The following RASA1 variants were observed in gnomAD, a reference collection of about 807,000 sequenced individuals.
The protein encoded by RASA1 is RAS p21 protein activator 1.
RASA1 carries 25 observed loss-of-function variants against 132.2 expected under a neutral mutation model. The observed-to-expected ratio is 0.19, with a 90% CI of 0.14 to 0.26. The LOEUF is 0.26. Ranked by LOEUF, RASA1 falls within the 10% of genes least tolerant of loss-of-function variation. The probability of loss-of-function intolerance (pLI) is 1.00; values close to 1 mark genes in which losing one functional copy is unlikely to be tolerated. For synonymous variants in RASA1, 477 were observed against 449.9 expected (o/e 1.06, Z -0.76); for missense variants, 964 against 1,299.2 (o/e 0.74, Z 3.97).
chr5:87,278,631 G>T (rs1043210997), intron 1 of RASA1, among the ~76,000 whole-genome samples: 8 of 152,216 alleles, frequency 5.3e-5, no homozygotes, highest in Middle Eastern at 3.4e-3. Flanking sequence ...CATAACTATA[G>T]TGCAGTATCA....
chr5:87,332,066 T>C (rs1757648141), intron 2 of RASA1, among the ~76,000 whole-genome samples: 1 of 152,154 alleles, frequency 6.6e-6, no homozygotes, highest in Non-Finnish European at 1.5e-5. Context: ...CCTTGGTTTT[T>C]AGATTTTAAA....
At chr5:87,311,731 A>G (rs1183073593) in intron 1 of RASA1, among the ~76,000 whole-genome samples, 1 of 152,178 alleles carries the variant, frequency 6.6e-6, no homozygotes, top group Non-Finnish European at 1.5e-5. Flanking sequence ...ATGAAGGTCT[A>G]AAGTGCCCAC....
chr5:87,365,817 G>GT (rs1412138629), intron 11 of RASA1, among the ~76,000 whole-genome samples: 1 of 151,998 alleles, frequency 6.6e-6, no homozygotes, highest in East Asian at 1.9e-4. Flanking sequence ...TGCTAGTTAA[G>GT]TTTATGACTG....
At chr5:87,353,683 C>CT (rs11395697) in intron 9 of RASA1, among the ~76,000 whole-genome samples, 1,830 of 152,188 alleles carry the variant, frequency 0.012, 30 homozygotes, top group African/African-American at 0.041. Context: ...TCTGTATACT[C>CT]TGAGTGAAAA....
intron 9 of RASA1, among the ~76,000 whole-genome samples, chr5:87,360,274 G>A (rs766728886): frequency 1.4e-4 from 22 of 151,982 alleles, no homozygotes; most frequent in Non-Finnish European, 2.8e-4. Flanking sequence ...TTACAGGCAC[G>A]CGCCACCACG....
chr5:87,319,728 C>G (rs1292926701), intron 1 of RASA1, among the ~76,000 whole-genome samples: 6 of 152,200 alleles, frequency 3.9e-5, no homozygotes, highest in Non-Finnish European at 7.3e-5. Context: ...CTCTGACATG[C>G]CCTGGGAGAC....
intron 4 of RASA1, among the ~76,000 whole-genome samples, chr5:87,336,306 A>G (rs1757967392): frequency 6.6e-6 from 1 of 152,162 alleles, no homozygotes; most frequent in African/African-American, 2.4e-5. Flanking sequence ...GTAGATATCC[A>G]TATAAATAAA....
intron 9 of RASA1, among the ~76,000 whole-genome samples, chr5:87,354,353 G>T (rs1759496938): frequency 6.6e-6 from 1 of 152,092 alleles, no homozygotes; most frequent in Non-Finnish European, 1.5e-5. Flanking sequence ...TTGTGTCTTA[G>T]TGTCACATTT....
At chr5:87,310,271 A>G (rs1755814080) in intron 1 of RASA1, among the ~76,000 whole-genome samples, 2 of 152,188 alleles carry the variant, frequency 1.3e-5, no homozygotes, top group Admixed American at 6.5e-5. Context: ...AAAGAATTCC[A>G]TAGATGTGTG....
At chr5:87,384,002 T>G (rs899177405) in intron 21 of RASA1, among the ~76,000 whole-genome samples, 11 of 152,090 alleles carry the variant, frequency 7.2e-5, no homozygotes, top group African/African-American at 2.7e-4. Context: ...TGAGATGGCA[T>G]GATTACACAC....
At chr5:87,335,576 C>G (rs956041875) in intron 4 of RASA1, among the ~76,000 whole-genome samples, 2 of 151,714 alleles carry the variant, frequency 1.3e-5, no homozygotes, top group African/African-American at 4.8e-5. Context: ...TGGGCGTCTG[C>G]CACCACACCT....
intron 1 of RASA1, among the ~76,000 whole-genome samples, chr5:87,272,119 G>C (rs1242410412): frequency 6.6e-6 from 1 of 151,114 alleles, no homozygotes; most frequent in Non-Finnish European, 1.5e-5. Context: ...TTGCACTCTA[G>C]CCTGGGCAGC....
chr5:87,316,530 A>G (rs906925112), intron 1 of RASA1, among the ~76,000 whole-genome samples: 1 of 152,154 alleles, frequency 6.6e-6, no homozygotes, highest in Non-Finnish European at 1.5e-5. Context: ...ATTTTATTTC[A>G]TGTGTCAGGA....
intron 9 of RASA1, among the ~76,000 whole-genome samples, chr5:87,360,803 A>G (rs976428391): frequency 6.6e-6 from 1 of 152,190 alleles, no homozygotes; most frequent in Non-Finnish European, 1.5e-5. Context: ...TGCCATCATG[A>G]TAAGAGTCTA....
At chr5:87,315,672 T>C (rs984465468) in intron 1 of RASA1, among the ~76,000 whole-genome samples, 1 of 152,216 alleles carries the variant, frequency 6.6e-6, no homozygotes, top group African/African-American at 2.4e-5. Context: ...ATGTTTAATA[T>C]GGGAGAGGGT....
rs1034998096 is a variant in RASA1 at position 87,391,617 on chromosome 5, T to C, written c.*734T>C. The C allele has an allele frequency of 4.3e-5, 10 of 230,792 alleles. No homozygotes were observed. The highest frequency in any genetic ancestry group is 7.6e-5 in the Non-Finnish European group (9 of 118,790). The allele number at this position is 230,792 out of a possible 1,614,324, so 14.3% of individuals were successfully genotyped here. A position where few individuals can be genotyped will look rare whatever the true frequency, so the allele number is the denominator to read the frequency against. On this transcript the variant is annotated 3_prime_UTR_variant, in exon 25 of 25. Transcript: ENST00000274376. ...GTAAATAGTTTGAATTCAGTAAATA[T>C]TATTGGTTGTTGTATTGATCAATGC...
At chr5:87,355,284 CTT>C (rs1759567212) in intron 9 of RASA1, among the ~76,000 whole-genome samples, 1 of 152,140 alleles carries the variant, frequency 6.6e-6, no homozygotes, top group South Asian at 2.1e-4. Context: ...CTGACTGACT[CTT>C]TTCAGGGGCT....
intron 1 of RASA1, among the ~76,000 whole-genome samples, chr5:87,272,997 A>G (rs1273423481): frequency 1.3e-5 from 2 of 152,186 alleles, no homozygotes; most frequent in African/African-American, 4.8e-5. Flanking sequence ...TATGGATAGC[A>G]TGGTATTAAG....
chr5:87,269,307 T>C, intron 1 of RASA1: 22 of 1,535,940 alleles, frequency 1.4e-5, no homozygotes, highest in Non-Finnish European at 1.9e-5. Context: ...CAGAATTTAG[T>C]CAAACTGCGG....
Sources: gnomAD v4.1 joint callset for allele counts (sites outside exome capture counted in the v4.1 genomes callset) on GRCh38, gnomAD v4.1.1 for gene constraint, MANE v1.5 for transcripts, NCBI Gene and HGNC (gene_info 2026-07-23, HGNC 2026-07-21) for gene names.